Variants in DGKG observed in about 807,000 individuals in gnomAD.
DGKG encodes the protein DAG kinase gamma.
A neutral mutation model predicts 105.3 loss-of-function variants in DGKG; 78 were observed. The observed-to-expected ratio is 0.74, with a 90% CI of 0.62 to 0.89. DGKG has a LOEUF of 0.89. Ranked by LOEUF, DGKG falls within the 40% of genes least tolerant of loss-of-function variation. The probability of loss-of-function intolerance (pLI) is 0.00; values close to 1 mark genes in which losing one functional copy is unlikely to be tolerated. For missense variants in DGKG, 958 were observed against 1,020.1 expected, an observed-to-expected ratio of 0.94 and a Z score of 0.83; for synonymous variants, 346 against 367.1, an observed-to-expected ratio of 0.94 and a Z score of 0.66.
At chr3:186,268,084 T>C (rs1428152180) in intron 12 of DGKG, among the ~76,000 whole-genome samples, 2 of 152,158 alleles carry the variant, frequency 1.3e-5, no homozygotes, top group African/African-American at 4.8e-5. Flanking sequence ...CCCCCTTAGA[T>C]ATGTGCTCTC....
rs1229373795 is a variant in DGKG, at chr3:186,182,304, T to TC, written c.2095+5897dup. On this transcript the variant is annotated intron_variant, in intron 22 of 24. Coordinates refer to ENST00000265022, the MANE Select transcript of DGKG (RefSeq NM_001346.3). ...CCCCTTTCTTATATTATAAATACCT[T>TC]CCCCCACACCTAACAATAATTCTGA... Among the ~76,000 whole-genome samples the TC allele has an allele frequency of 6.6e-5, 10 of 152,246 alleles. No individual in the cohort carries two copies. The East Asian group carries it at 1.9e-3, about 29-fold the overall frequency.
chr3:186,324,795 C>T (rs544632308), intron 1 of DGKG, among the ~76,000 whole-genome samples: 1 of 152,350 alleles, frequency 6.6e-6, no homozygotes, highest in South Asian at 2.1e-4. Context: ...TCTCGAAGAA[C>T]TTAAAACAGA....
intron 2 of DGKG, among the ~76,000 whole-genome samples, chr3:186,310,925 A>T (rs561944058): frequency 9.0e-5 from 13 of 144,492 alleles, no homozygotes; most frequent in Admixed American, 1.4e-4. Context: ...ACCGAGGCTT[A>T]TGGAATTTAA....
At chr3:186,194,193 G>C (rs1248360129) in intron 21 of DGKG, among the ~76,000 whole-genome samples, 1 of 152,278 alleles carries the variant, frequency 6.6e-6, no homozygotes, top group Non-Finnish European at 1.5e-5. Context: ...CAGGTGCACA[G>C]GTAACAGAGA....
rs34226259 is a variant in DGKG, at chr3:186,209,093, C to CTTTTTTTTTTTTTTTTT, written c.1917+2685_1917+2701dup. Among the ~76,000 whole-genome samples the CTTTTTTTTTTTTTTTTT allele has an allele frequency of 1.0e-3, 92 of 89,790 alleles. 1 individual carries two copies. Among genetic ancestry groups the CTTTTTTTTTTTTTTTTT allele is most frequent in the African/African-American group, 4.3e-3 (89 of 20,756 alleles). The allele number at this position is 89,790 out of a possible 152,430, so 58.9% of individuals were successfully genotyped here. A position where few individuals can be genotyped will look rare whatever the true frequency, so the allele number is the denominator to read the frequency against. On this transcript the variant is annotated intron_variant, in intron 21 of 24. Coordinates refer to ENST00000265022, the MANE Select transcript of DGKG (RefSeq NM_001346.3). Reference sequence around the variant, plus strand: ...TTTTCTCTCCCTTCAGTTTACTCTTCTTTTTTTTTTTTTTTTTTTTTTTAA... The same window carrying CTTTTTTTTTTTTTTTTT: ...TTTTCTCTCCCTTCAGTTTACTCTTCTTTTTTTTTTTTTTTTTTTTTTTTTTTTTTTTTTTTTTTTAA...
chr3:186,247,250 A>T (rs1293548067), intron 19 of DGKG, among the ~76,000 whole-genome samples: 2 of 152,234 alleles, frequency 1.3e-5, no homozygotes, highest in Non-Finnish European at 2.9e-5. Context: ...TGGAGAGGCC[A>T]GGAGACCCTG....
rs928052189 is a variant in DGKG at position 186,269,008 on chromosome 3, C to A, written c.1000-91G>T. On this transcript the variant is annotated intron_variant, in intron 11 of 24. Coordinates refer to ENST00000265022, the MANE Select transcript of DGKG (RefSeq NM_001346.3). ...GAGGAGAAGGATCTGGGAGGGGACG[C>A]GGGGGAGCCAGAGGGACTGTTTCCT... is the stretch of plus-strand genomic sequence containing the variant. The A allele has an allele frequency of 6.9e-6, 6 of 865,428 alleles. No individual in the cohort carries two copies. The African/African-American group carries it at 1.0e-4, about 14-fold the overall frequency. 53.6% of individuals were successfully genotyped at this position (865,428 alleles called of 1,614,324 possible).
intron 21 of DGKG, among the ~76,000 whole-genome samples, chr3:186,192,968 T>C (rs1214697188): frequency 6.6e-6 from 1 of 152,192 alleles, no homozygotes; most frequent in Non-Finnish European, 1.5e-5. Context: ...CCCCTCCATC[T>C]CTATCCATAG....
At chr3:186,354,072 A>G (rs964318248) in intron 1 of DGKG, among the ~76,000 whole-genome samples, 1 of 152,166 alleles carries the variant, frequency 6.6e-6, no homozygotes, top group African/African-American at 2.4e-5. Flanking sequence ...GATCAGGAAC[A>G]TCCTTGTTGA....
chr3:186,315,232 C>T (rs1383243200), intron 2 of DGKG, among the ~76,000 whole-genome samples: 3 of 152,068 alleles, frequency 2.0e-5, no homozygotes, highest in Non-Finnish European at 2.9e-5. Flanking sequence ...CAGATTTGAC[C>T]ACTAGTAATT....
chr3:186,285,353 C>A (rs1201524433), intron 6 of DGKG, among the ~76,000 whole-genome samples: 4 of 152,204 alleles, frequency 2.6e-5, no homozygotes, highest in Non-Finnish European at 5.9e-5. Context: ...AAGGTACTGT[C>A]CTATAGACTT....
rs146197876 is a variant in DGKG at position 186,249,957 on chromosome 3, A to T, written c.1761+1802T>A. ...AAAATACCAAAATTTCAAAAGAAAC[A>T]CAGCTGAGGATGGTTGAGGAGTGCA... On this transcript the variant is annotated intron_variant, in intron 19 of 24. Transcript: ENST00000265022. Among the ~76,000 whole-genome samples, 32 of 152,286 alleles carry T rather than the reference A, an allele frequency of 2.1e-4. No homozygotes were observed. In the East Asian group the frequency reaches 3.1e-3, roughly 15 times the overall value.
intron 22 of DGKG, among the ~76,000 whole-genome samples, chr3:186,181,809 G>T (rs145654475): frequency 1.3e-5 from 2 of 152,216 alleles, no homozygotes; most frequent in Admixed American, 6.5e-5. Context: ...ATCACTGAGA[G>T]GAAAGTTGCT....
chr3:186,184,824 G>T (rs1717543141), intron 22 of DGKG, among the ~76,000 whole-genome samples: 1 of 152,000 alleles, frequency 6.6e-6, no homozygotes, highest in Non-Finnish European at 1.5e-5. Flanking sequence ...AACTGCCAAG[G>T]AGTTAAGAAT....
rs1271006229 is a variant in DGKG, at chr3:186,203,354, A to G, written c.1917+8441T>C. ...TTACCCTAAGATTGAAACGAGGCCA[A>G]TGTTGTAGCAGTGCTGATTCCTGGT... On this transcript the variant is annotated intron_variant, in intron 21 of 24. Transcript: ENST00000265022. This position sits in a 1 kb window ranked among gnomAD's most constrained non-coding sequence, Gnocchi z 4.9. Among the ~76,000 whole-genome samples the G allele has an allele frequency of 1.3e-5, 2 of 152,340 alleles. No homozygotes were observed. The highest frequency in any genetic ancestry group is 1.5e-5 in the Non-Finnish European group (1 of 68,028).
rs537974822 is a variant in DGKG at position 186,297,336 on chromosome 3, G to A, written c.373+85C>T. ...AAGATTGCACAATTATATGAAGACAGCACTGTTGGTTAGGTTTCCCCACTT... is the reference window on the plus strand; with the variant it reads ...AAGATTGCACAATTATATGAAGACAACACTGTTGGTTAGGTTTCCCCACTT... On this transcript the variant is annotated intron_variant, in intron 5 of 24. Coordinates refer to ENST00000265022, the MANE Select transcript of DGKG (RefSeq NM_001346.3). 3 of 1,004,430 alleles carry A rather than the reference G, an allele frequency of 3.0e-6. No homozygotes were observed. In the East Asian group the frequency reaches 7.1e-5, roughly 24 times the overall value. The allele number at this position is 1,004,430 out of a possible 1,614,324, so 62.2% of individuals were successfully genotyped here.
At chr3:186,230,924 C>T (rs1720120627) in intron 20 of DGKG, among the ~76,000 whole-genome samples, 1 of 152,178 alleles carries the variant, frequency 6.6e-6, no homozygotes, top group South Asian at 2.1e-4. Flanking sequence ...TGGATGAATG[C>T]AACTCTCTGT....
At chr3:186,306,705 T>C (rs1724255938) in intron 3 of DGKG, 196 bp downstream of exon 3, 1 of 572,798 alleles carries the variant, frequency 1.7e-6, no homozygotes, top group Non-Finnish European at 3.1e-6. Context: ...GGTAGTCTTC[T>C]AGGACAGTGG....
At chr3:186,230,289 A>C (rs1319837642) in intron 20 of DGKG, among the ~76,000 whole-genome samples, 1 of 152,060 alleles carries the variant, frequency 6.6e-6, no homozygotes, top group Admixed American at 6.5e-5. Context: ...CAAACAAAAC[A>C]ACAACAACAA....
Sources: allele counts gnomAD v4.1 joint callset (sites outside exome capture counted in the v4.1 genomes callset), GRCh38; gene constraint gnomAD v4.1.1; non-coding constraint Gnocchi (gnomAD v3.1); transcripts MANE v1.5; gene names NCBI Gene and HGNC (gene_info 2026-07-23, HGNC 2026-07-21).